PXDNL: variants seen among roughly 807,000 people sequenced by gnomAD.
PXDNL encodes peroxidasin like, also known as probable oxidoreductase PXDNL.
In PXDNL, 145 loss-of-function variants were observed where a neutral mutation model predicts 150.8. The observed-to-expected ratio is 0.96, with a 90% CI of 0.84 to 1.10. The LOEUF is 1.10. Ranked by LOEUF, PXDNL falls within the 50% of genes least tolerant of loss-of-function variation. PXDNL has a pLI of 0.00. For synonymous variants in PXDNL, 757 were observed against 725.7 expected (o/e 1.04, Z -0.69); for missense variants, 2,087 against 1,873.9 (o/e 1.11, Z -2.10).
In PXDNL at chr8:51,809,428, G is replaced by A; in HGVS notation, c.-84C>T. The A allele has an allele frequency of 7.3e-7, 1 of 1,364,042 alleles. No individual in the cohort carries two copies. Among genetic ancestry groups the A allele is most frequent in the Non-Finnish European group, 9.7e-7 (1 of 1,027,538 alleles). The allele number at this position is 1,364,042 out of a possible 1,614,324, so 84.5% of individuals were successfully genotyped here. A position where few individuals can be genotyped will look rare whatever the true frequency, so the allele number is the denominator to read the frequency against. On this transcript the variant is annotated 5_prime_UTR_variant, in exon 1 of 23. Coordinates refer to ENST00000356297, the MANE Select transcript of PXDNL (RefSeq NM_144651.5). ...CTGCAGCAGCAACCGCAGTGGTGGT[G>A]ATGGTGGCTGCTGGACTGAGCCAAG...
intron 3 of PXDNL, among the ~76,000 whole-genome samples, chr8:51,581,623 G>T (rs1297429394): frequency 6.6e-6 from 1 of 152,116 alleles, no homozygotes; most frequent in Non-Finnish European, 1.5e-5. Context: ...AGGTATCAAA[G>T]AGTTTGAGTC....
At chr8:51,753,594 G>T (rs537291608) in intron 1 of PXDNL, among the ~76,000 whole-genome samples, 1 of 152,110 alleles carries the variant, frequency 6.6e-6, no homozygotes, top group South Asian at 2.1e-4. Context: ...TCTGTGCATC[G>T]CACACTAAAA....
intron 16 of PXDNL, 27 bp downstream of exon 16, chr8:51,411,223 T>C: frequency 7.1e-7 from 1 of 1,399,278 alleles, no homozygotes; most frequent in Non-Finnish European, 9.4e-7. Context: ...GGCAGTAGGC[T>C]GAGAATAAAA....
Position 51,319,949 on chromosome 8 carries a change from G to T in PXDNL, c.4334C>A (p.Thr1445Asn), listed in dbSNP as rs779892019. Residue 1445 changes from threonine to asparagine, a missense_variant, in exon 23 of 23, where the codon ACC becomes AAC. By Grantham distance (65) the Thr-to-Asn change is moderately conservative. Coordinates refer to ENST00000356297, the MANE Select transcript of PXDNL (RefSeq NM_144651.5). ...PCPSPELVKG[T>N]CCPVCRDRGM... is the part of the protein sequence containing the mutation. Reference sequence around the variant, plus strand: ...TCGGTCTCTGCAAACTGGACAGCAGGTTCCTTTCACCAATTCAGGACTGGG... The same window carrying T: ...TCGGTCTCTGCAAACTGGACAGCAGTTTCCTTTCACCAATTCAGGACTGGG... 1.3e-5 allele frequency: 21 copies of T among 1,578,692 alleles called. No homozygotes were observed. Among genetic ancestry groups the T allele is most frequent in the South Asian group, 4.7e-5 (4 of 85,532 alleles).
At chr8:51,644,837 G>T (rs1814883644) in intron 2 of PXDNL, among the ~76,000 whole-genome samples, 1 of 152,062 alleles carries the variant, frequency 6.6e-6, no homozygotes, top group African/African-American at 2.4e-5. Flanking sequence ...GCTCACGTCA[G>T]AAAAGGGCCC....
chr8:51,576,575 G>T (rs1444284111), intron 3 of PXDNL, among the ~76,000 whole-genome samples: 1 of 151,776 alleles, frequency 6.6e-6, no homozygotes, highest in African/African-American at 2.4e-5. Context: ...AAGAGCAAAA[G>T]TTTTGAGTTA....
At chr8:51,446,980 A>T (rs1413869816) in intron 12 of PXDNL, 24 bp downstream of exon 12, 3 of 1,612,484 alleles carry the variant, frequency 1.9e-6, no homozygotes, top group Non-Finnish European at 2.5e-6. Context: ...TCAGAATGTG[A>T]ATATGAATCA....
At chr8:51,460,797 G>T (rs890860384) in intron 8 of PXDNL, among the ~76,000 whole-genome samples, 2 of 152,110 alleles carry the variant, frequency 1.3e-5, no homozygotes, top group Non-Finnish European at 2.9e-5. Context: ...GCATGAGCCT[G>T]CATGGAGCCC....
intron 17 of PXDNL, among the ~76,000 whole-genome samples, chr8:51,378,772 ACACT>A (rs1807438129): frequency 6.7e-6 from 1 of 149,442 alleles, no homozygotes; most frequent in African/African-American, 2.6e-5. Flanking sequence ...AAGAGCTGTA[ACACT>A]CACTGCGAAG....
intron 5 of PXDNL, among the ~76,000 whole-genome samples, chr8:51,496,053 C>A (rs1811040459): frequency 6.6e-6 from 1 of 152,214 alleles, no homozygotes; most frequent in Non-Finnish European, 1.5e-5. Context: ...CAAACCGAAT[C>A]CAGCAGCACA....
intron 1 of PXDNL, among the ~76,000 whole-genome samples, chr8:51,794,334 G>T (rs2037540703): frequency 1.3e-5 from 2 of 152,016 alleles, no homozygotes; most frequent in African/African-American, 4.8e-5. Flanking sequence ...GATCCTCCAT[G>T]AGAAGATCAA....
intron 1 of PXDNL, among the ~76,000 whole-genome samples, chr8:51,803,155 G>A (rs2037638145): frequency 6.6e-6 from 1 of 152,172 alleles, no homozygotes; most frequent in Non-Finnish European, 1.5e-5. Context: ...GCTCACTGTG[G>A]GTTGGAGGCC....
chr8:51,555,902 T>G (rs77962786), intron 4 of PXDNL, among the ~76,000 whole-genome samples: 3 of 152,158 alleles, frequency 2.0e-5, no homozygotes, highest in Admixed American at 2.0e-4. Context: ...GAAATTATGA[T>G]GGTGAATCTG....
intron 2 of PXDNL, among the ~76,000 whole-genome samples, chr8:51,611,679 G>A (rs567891495): frequency 3.3e-5 from 5 of 152,340 alleles, no homozygotes; most frequent in African/African-American, 7.2e-5. Flanking sequence ...GAGGGAGCAC[G>A]GCACTCTGGA....
At chr8:51,655,496 C>T (rs941514212) in intron 1 of PXDNL, among the ~76,000 whole-genome samples, 1 of 152,132 alleles carries the variant, frequency 6.6e-6, no homozygotes, top group African/African-American at 2.4e-5. Context: ...AACAGAGGAT[C>T]AAACAAATGC....
chr8:51,359,103 C>A (rs1159335542), intron 19 of PXDNL, among the ~76,000 whole-genome samples: 1 of 152,106 alleles, frequency 6.6e-6, no homozygotes, highest in African/African-American at 2.4e-5. Flanking sequence ...GAACCTGTCT[C>A]CTTCTGCTAG....
At chr8:51,472,669 A>G (rs1428118541) in intron 7 of PXDNL, among the ~76,000 whole-genome samples, 2 of 152,340 alleles carry the variant, frequency 1.3e-5, no homozygotes, top group South Asian at 2.1e-4. Context: ...CACTCTTCCT[A>G]GACAATTAGC....
At chr8:51,629,098 T>C (rs1814431735) in intron 2 of PXDNL, among the ~76,000 whole-genome samples, 1 of 151,908 alleles carries the variant, frequency 6.6e-6, no homozygotes, top group Admixed American at 6.6e-5. Flanking sequence ...CTGTCTTAAA[T>C]ATGCTTTAAA....
intron 14 of PXDNL, among the ~76,000 whole-genome samples, chr8:51,422,299 C>T (rs1473092035): frequency 6.6e-6 from 1 of 151,946 alleles, no homozygotes; most frequent in African/African-American, 2.4e-5. Context: ...TTGAATCATC[C>T]CAAAGCCATC....
Sources: allele counts gnomAD v4.1 joint callset (sites outside exome capture counted in the v4.1 genomes callset), GRCh38; gene constraint gnomAD v4.1.1; transcripts MANE v1.5; gene names NCBI Gene and HGNC (gene_info 2026-07-23, HGNC 2026-07-21).